The following OR2L3 variants were observed in gnomAD, a reference collection of about 807,000 sequenced individuals.
The protein encoded by OR2L3 is olfactory receptor 2L3.
For synonymous variants in OR2L3, 131 were observed against 139.1 expected (o/e 0.94, Z 0.41); for missense variants, 369 against 376.6 (o/e 0.98, Z 0.17).
At chr1:248,050,785 A>G (rs1464395128) in intron 1 of OR2L3, among the ~76,000 whole-genome samples, 3 of 152,182 alleles carry the variant, frequency 2.0e-5, no homozygotes, top group Non-Finnish European at 4.4e-5. Context: ...ATTACGGAGT[A>G]TTGGATTAAT....
chr1:248,061,116 AG>A lies in OR2L3; in HGVS notation c.438del (p.Ser147LeufsTer4). The A allele has an allele frequency of 6.2e-7, 1 of 1,613,900 alleles. No homozygotes were observed. Among genetic ancestry groups the A allele is most frequent in the Non-Finnish European group, 8.5e-7 (1 of 1,179,966 alleles). On this transcript the variant is annotated frameshift_variant, in exon 2 of 2. Coordinates refer to ENST00000359959, the MANE Select transcript of OR2L3 (RefSeq NM_001004687.2). LOFTEE classifies it low-confidence loss of function (END_TRUNC). ...AAAGAATGTGTGTGCTGATGATAAC[AG>A]GGTCTTGGATCATAGGCTCGATCAA... ...SKRMCVLMIT[G>X]SWIIGSINAC...
rs1260806530 is a variant in OR2L3, at chr1:248,061,897, A to G, written c.*277A>G. On this transcript the variant is annotated 3_prime_UTR_variant, in exon 2 of 2. Transcript: ENST00000359959. Reference sequence around the variant, plus strand: ...AATTTTTGTTTTTGGTCATGCAGAAATAGAAATGAAATTGGTCTAACTGAA... The same window carrying G: ...AATTTTTGTTTTTGGTCATGCAGAAGTAGAAATGAAATTGGTCTAACTGAA... 3.4e-6 allele frequency: 1 copy of G among 292,246 alleles called. No individual in the cohort carries two copies. The highest frequency in any genetic ancestry group is 2.2e-5 in the African/African-American group (1 of 45,872). The allele number at this position is 292,246 out of a possible 1,614,324, so 18.1% of individuals were successfully genotyped here.
Position 248,060,927 on chromosome 1 carries a change from TG to T in OR2L3, c.247del (p.Asp83IlefsTer24), listed in dbSNP as rs765257253. 2 of 1,614,010 alleles carry T rather than the reference TG, an allele frequency of 1.2e-6. No individual in the cohort carries two copies. Among genetic ancestry groups the T allele is most frequent in the South Asian group, 2.2e-5 (2 of 91,080 alleles). The part of the protein sequence containing the change: ...ISTIVPKMAS[D>X]FLSGNKSISF... ...CCACCATTGTTCCTAAGATGGCATC[TG>T]ATTTTCTGTCTGGTAACAAGTCTAT... On this transcript the variant is annotated frameshift_variant, in exon 2 of 2. Transcript: ENST00000359959. LOFTEE classifies it low-confidence loss of function (END_TRUNC).
chr1:248,058,530 TTA>T lies in OR2L3; in HGVS notation c.-21-2117_-21-2116del, dbSNP rs139069070. On this transcript the variant is annotated intron_variant, in intron 1 of 1. Transcript: ENST00000359959. ...AAATATAAACTATTGTAAAACCTGG[TTA>T]TATATATATATATCTTCTGATATTT... Among the ~76,000 whole-genome samples the T allele has an allele frequency of 1.2e-4, 18 of 151,234 alleles. 1 individual carries two copies. In the South Asian group the frequency reaches 1.9e-3, roughly 16 times the overall value.
At chr1:248,054,854 G>T (rs912034145) in intron 1 of OR2L3, among the ~76,000 whole-genome samples, 3 of 152,124 alleles carry the variant, frequency 2.0e-5, no homozygotes, top group Non-Finnish European at 4.4e-5. Flanking sequence ...GAGTCAGTCT[G>T]GTTTTCTAGA....
In OR2L3 at chr1:248,060,807, A is replaced by G. The variant is rs767190556; in HGVS notation, c.126A>G (p.Leu42=). The G allele has an allele frequency of 6.2e-6, 10 of 1,613,908 alleles. No homozygotes were observed. The highest frequency in any genetic ancestry group is 5.0e-5 in the Admixed American group (3 of 59,994). The change falls in exon 2 of 2, where the codon CTA becomes CTG. Residue 42 remains leucine, a synonymous_variant. Coordinates refer to ENST00000359959, the MANE Select transcript of OR2L3 (RefSeq NM_001004687.2). Reference sequence around the variant, plus strand: ...TCCTAATGGCTCTAATTGGAAACCTATCCATGATTCTTCTCATCTTCTTGG... The same window carrying G: ...TCCTAATGGCTCTAATTGGAAACCTGTCCATGATTCTTCTCATCTTCTTGG... ...FIFLMALIGN[L]SMILLIFLDT...
At chr1:248,058,774 A>C (rs1663524823) in intron 1 of OR2L3, among the ~76,000 whole-genome samples, 1 of 151,992 alleles carries the variant, frequency 6.6e-6, no homozygotes, top group Non-Finnish European at 1.5e-5. Context: ...TTATTTTGCT[A>C]TATGCATTTC....
chr1:248,053,859 T>A (rs949433672), intron 1 of OR2L3, among the ~76,000 whole-genome samples: 14 of 152,110 alleles, frequency 9.2e-5, no homozygotes, highest in African/African-American at 3.4e-4. Context: ...TGGAATTAGA[T>A]CTTTGTCAGA....
In OR2L3 at chr1:248,059,907, G is replaced by C. The variant is rs913699680; in HGVS notation, c.-21-754G>C. Among the ~76,000 whole-genome samples, 5 of 152,074 alleles carry C rather than the reference G, an allele frequency of 3.3e-5. No homozygotes were observed. The South Asian group carries it at 6.2e-4, about 19-fold the overall frequency. ...AATAGAAAGTTAACTAGGTATGGTG[G>C]CTTGTGGTCGTAGTCTCAGCTACTC... On this transcript the variant is annotated intron_variant, in intron 1 of 1. Transcript: ENST00000359959.
chr1:248,061,764 T>C lies in OR2L3; in HGVS notation c.*144T>C. 2.8e-6 allele frequency: 2 copies of C among 702,634 alleles called. No individual in the cohort carries two copies. The highest frequency in any genetic ancestry group is 6.1e-5 in the Admixed American group (2 of 32,630). The allele number at this position is 702,634 out of a possible 1,614,324, so 43.5% of individuals were successfully genotyped here. ...AAAAATCACTGATTTCTGGACAAAA[T>C]TGTTTTACATATATATGTATATATA... On this transcript the variant is annotated 3_prime_UTR_variant, in exon 2 of 2. Transcript: ENST00000359959.
intron 1 of OR2L3, among the ~76,000 whole-genome samples, chr1:248,059,775 A>C (rs1428251439): frequency 6.6e-6 from 1 of 152,170 alleles, no homozygotes; most frequent in Non-Finnish European, 1.5e-5. Context: ...TTGGGTGGGG[A>C]AGCTCATGAC....
chr1:248,061,585 C>T lies in OR2L3; in HGVS notation c.904C>T (p.Arg302Ter), dbSNP rs375596625. The T allele has an allele frequency of 2.9e-5, 47 of 1,612,800 alleles. No homozygotes were observed. The highest frequency in any genetic ancestry group is 8.4e-5 in the Admixed American group (5 of 59,800). Residue 302 changes from arginine to a stop codon, truncating the protein, a stop_gained, in exon 2 of 2, where the codon CGA becomes TGA. Transcript: ENST00000359959. LOFTEE classifies it low-confidence loss of function (END_TRUNC). The part of the protein sequence containing the change: ...RNKEVMGALT[R>*]VSQRICSGKM ...CAAGGAGGTGATGGGGGCCCTGACA[C>T]GAGTGAGTCAGAGAATCTGCTCTGG...
chr1:248,055,865 C>T (rs947196537), intron 1 of OR2L3: 2 of 152,066 alleles, frequency 1.3e-5, no homozygotes, highest in Admixed American at 6.5e-5. Flanking sequence ...CTCTTTTTAC[C>T]TCTGGTAGAA....
chr1:248,062,704 T>A lies in OR2L3; in HGVS notation c.*1084T>A, dbSNP rs1191776218. On this transcript the variant is annotated 3_prime_UTR_variant, in exon 2 of 2. Coordinates refer to ENST00000359959, the MANE Select transcript of OR2L3 (RefSeq NM_001004687.2). The stretch of plus-strand genomic sequence containing the variant: ...CAATAATTTATTGTAGAATTTATTG[T>A]ATGTATTAAAGAATAACTGAAAGAG... 6.6e-6 allele frequency: 1 copy of A among 152,172 alleles called. No homozygotes were observed. The highest frequency in any genetic ancestry group is 1.5e-5 in the Non-Finnish European group (1 of 68,016). 9.4% of individuals were successfully genotyped at this position (152,172 alleles called of 1,614,324 possible). A position where few individuals can be genotyped will look rare whatever the true frequency, so the allele number is the denominator to read the frequency against.
At chr1:248,055,493 T>G (rs1173070900) in intron 1 of OR2L3, among the ~76,000 whole-genome samples, 2 of 152,134 alleles carry the variant, frequency 1.3e-5, no homozygotes, top group Non-Finnish European at 2.9e-5. Context: ...TGGTGACTCA[T>G]GCCTGTAATC....
At chr1:248,059,975 G>A (rs1309666995) in intron 1 of OR2L3, among the ~76,000 whole-genome samples, 1 of 151,762 alleles carries the variant, frequency 6.6e-6, no homozygotes, top group African/African-American at 2.4e-5. Flanking sequence ...GAATGTCAAG[G>A]ATGCAGTGAG....
Position 248,061,586 on chromosome 1 carries a change from G to T in OR2L3, c.905G>T (p.Arg302Leu), listed in dbSNP as rs879860810. The stretch of plus-strand genomic sequence containing the variant: ...AAGGAGGTGATGGGGGCCCTGACAC[G>T]AGTGAGTCAGAGAATCTGCTCTGGG... ...RNKEVMGALT[R>L]VSQRICSGKM Residue 302 changes from arginine to leucine, a missense_variant, in exon 2 of 2, where the codon CGA becomes CTA. Coordinates refer to ENST00000359959, the MANE Select transcript of OR2L3 (RefSeq NM_001004687.2). The T allele has an allele frequency of 1.2e-6, 2 of 1,612,780 alleles. No individual in the cohort carries two copies. The highest frequency in any genetic ancestry group is 1.7e-6 in the Non-Finnish European group (2 of 1,179,470).
chr1:248,058,372 C>T (rs1189387499), intron 1 of OR2L3, among the ~76,000 whole-genome samples: 2 of 152,126 alleles, frequency 1.3e-5, no homozygotes, highest in African/African-American at 2.4e-5. Context: ...AGTAACTGCT[C>T]CCTCCTCCGT....
At position 248,053,314 on chromosome 1, in the gene OR2L3, A is replaced by G. The variant is rs141270356; in HGVS notation, c.-22+6434A>G. 3.1e-3 allele frequency among the ~76,000 whole-genome samples: 478 copies of G among 152,272 alleles called. 6 individuals are homozygous for G. The highest frequency in any genetic ancestry group is 0.011 in the African/African-American group (448 of 41,560). On this transcript the variant is annotated intron_variant, in intron 1 of 1. Transcript: ENST00000359959. ...ATTTTTTATGGCTGTATAGTATTCC[A>G]TTGTGTATATGTACCACAGTTTCTT... is the stretch of plus-strand genomic sequence containing the variant.
Sources: gnomAD v4.1 joint callset for allele counts (sites outside exome capture counted in the v4.1 genomes callset) on GRCh38, gnomAD v4.1.1 for gene constraint, MANE v1.5 for transcripts, NCBI Gene and HGNC (gene_info 2026-07-23, HGNC 2026-07-21) for gene names.